TBC1D31: variants seen among roughly 807,000 people sequenced by gnomAD.
TBC1D31 encodes the protein TBC1 domain family member 31.
In TBC1D31, 99 loss-of-function variants were observed where a neutral mutation model predicts 132.9. That is an observed-to-expected ratio of 0.74 (90% confidence interval 0.63 to 0.88). The LOEUF is 0.88. Among genes scored for constraint, TBC1D31 ranks in the 40% least tolerant of loss-of-function variants. The pLI, the probability that TBC1D31 is intolerant of heterozygous loss-of-function variation, is 0.00. For missense variants in TBC1D31, 1,134 were observed against 1,256.6 expected (o/e 0.90, Z 1.48); for synonymous variants, 385 against 419.4 (o/e 0.92, Z 1.00).
At chr8:123,109,867 G>A (rs1818283753) in intron 10 of TBC1D31, among the ~76,000 whole-genome samples, 1 of 152,130 alleles carries the variant, frequency 6.6e-6, no homozygotes, top group African/African-American at 2.4e-5. Context: ...GCCAAGGCGG[G>A]CAGATCAGCT....
At chr8:123,098,250 T>G (rs568220343) in intron 6 of TBC1D31, among the ~76,000 whole-genome samples, 1 of 152,272 alleles carries the variant, frequency 6.6e-6, no homozygotes, top group Non-Finnish European at 1.5e-5. Context: ...TTATATATAG[T>G]GTTATGTTTT....
intron 4 of TBC1D31, among the ~76,000 whole-genome samples, chr8:123,093,273 A>G (rs745668061): frequency 2.6e-5 from 4 of 152,158 alleles, no homozygotes; most frequent in Non-Finnish European, 4.4e-5. Context: ...TAAAAGTAAA[A>G]TTGATACTCA....
chr8:123,158,597 G>A, the TBC1D31 span, among the ~76,000 whole-genome samples: 1 of 152,176 alleles, frequency 6.6e-6, no homozygotes, highest in East Asian at 1.9e-4. Context: ...TTTGTCTGAA[G>A]TTTTTCCTTA....
At position 123,120,294 on chromosome 8, in the gene TBC1D31, T is replaced by A. The variant is rs1819345918; in HGVS notation, c.1570+106T>A. On this transcript the variant is annotated intron_variant, in intron 11 of 21. Transcript: ENST00000287380. ...TTAACAATTCTAGATGTCTCTACTTTTAAGTCACGAAAGTGTGAAACAATA... is the reference window on the plus strand; with the variant it reads ...TTAACAATTCTAGATGTCTCTACTTATAAGTCACGAAAGTGTGAAACAATA... 5.6e-6 allele frequency: 5 copies of A among 885,314 alleles called. No homozygotes were observed. In the East Asian group the frequency reaches 1.4e-4, roughly 25 times the overall value. 54.8% of individuals were successfully genotyped at this position (885,314 alleles called of 1,614,324 possible).
chr8:123,134,577 T>C (rs1437387577), intron 17 of TBC1D31, among the ~76,000 whole-genome samples: 1 of 152,176 alleles, frequency 6.6e-6, no homozygotes, highest in Non-Finnish European at 1.5e-5. Context: ...AAGCCCATTT[T>C]AGACTGTATT....
chr8:123,086,889 T>C (rs996075738), intron 4 of TBC1D31, among the ~76,000 whole-genome samples: 8 of 152,152 alleles, frequency 5.3e-5, no homozygotes, highest in Non-Finnish European at 8.8e-5. Context: ...AACTAATTTT[T>C]GTATTTTCAG....
Position 123,078,761 on chromosome 8 carries a change from A to G in TBC1D31, c.224+1504A>G, listed in dbSNP as rs148766113. 3.5e-3 allele frequency among the ~76,000 whole-genome samples: 532 copies of G among 152,306 alleles called. 3 individuals are homozygous for G. The highest frequency in any genetic ancestry group is 0.012 in the African/African-American group (518 of 41,566). Reference sequence around the variant, plus strand: ...ATATTGGAGATGGGTCATGCATTGAATAAAATTGAAATCTATGAGTTCATG... The same window carrying G: ...ATATTGGAGATGGGTCATGCATTGAGTAAAATTGAAATCTATGAGTTCATG... On this transcript the variant is annotated intron_variant, in intron 2 of 21. Coordinates refer to ENST00000287380, the MANE Select transcript of TBC1D31 (RefSeq NM_145647.4).
intron 4 of TBC1D31, among the ~76,000 whole-genome samples, chr8:123,091,254 A>T (rs921828503): frequency 6.6e-6 from 1 of 152,190 alleles, no homozygotes; most frequent in African/African-American, 2.4e-5. Flanking sequence ...ATGAATAATC[A>T]TGTAGGCAAT....
At chr8:123,115,382 T>A (rs375545180) in intron 10 of TBC1D31, among the ~76,000 whole-genome samples, 2 of 152,244 alleles carry the variant, frequency 1.3e-5, no homozygotes, top group East Asian at 1.9e-4. Flanking sequence ...TGGAATTCCA[T>A]GTCCTAGGCT....
At chr8:123,131,735 T>C (rs1307042534) in intron 16 of TBC1D31, among the ~76,000 whole-genome samples, 3 of 150,844 alleles carry the variant, frequency 2.0e-5, no homozygotes, top group African/African-American at 7.3e-5. Flanking sequence ...TTATGACAAA[T>C]TGTTCTCTAA....
intron 15 of TBC1D31, 96 bp from the exon 16 acceptor site, chr8:123,130,102 G>C: frequency 8.3e-7 from 1 of 1,210,614 alleles, no homozygotes; most frequent in Non-Finnish European, 1.2e-6. Context: ...GATATCAATT[G>C]TATTGAAATG....
chr8:123,134,020 G>A, intron 16 of TBC1D31, 94 bp from the exon 17 acceptor site: 1 of 899,008 alleles, frequency 1.1e-6, no homozygotes, highest in Non-Finnish European at 1.7e-6. Flanking sequence ...TTTAAATACT[G>A]TTAGTAGGTC....
downstream of TBC1D31, among the ~76,000 whole-genome samples, chr8:123,156,824 C>T (rs921280955): frequency 3.9e-5 from 6 of 152,228 alleles, no homozygotes; most frequent in Non-Finnish European, 7.3e-5. Flanking sequence ...CGGCCCACAC[C>T]GTGTTCCCAG....
At chr8:123,075,971 T>C (rs184527185) in intron 1 of TBC1D31, among the ~76,000 whole-genome samples, 1 of 152,334 alleles carries the variant, frequency 6.6e-6, no homozygotes, top group East Asian at 1.9e-4. Context: ...ATGAAAATAG[T>C]ATGTAATCAT....
At chr8:123,153,208 G>A (rs1049251765), downstream of TBC1D31, among the ~76,000 whole-genome samples, 11 of 152,248 alleles carry the variant, frequency 7.2e-5, no homozygotes, top group African/African-American at 2.6e-4. Flanking sequence ...AGTGTGATGG[G>A]AACTTTGGTA....
At chr8:123,134,027 G>A (rs1820855212) in intron 16 of TBC1D31, 87 bp from the exon 17 acceptor site, 1 of 977,372 alleles carries the variant, frequency 1.0e-6, no homozygotes, top group Admixed American at 2.3e-5. Flanking sequence ...ACTGTTAGTA[G>A]GTCGTTCAGA....
chr8:123,104,019 TGTG>T (rs1817691997), intron 7 of TBC1D31: 1 of 152,316 alleles, frequency 6.6e-6, no homozygotes, highest in Admixed American at 6.5e-5. Context: ...TTTCTGGTAT[TGTG>T]GTAATAGAGT....
chr8:123,122,393 G>A (rs1819587669), intron 11 of TBC1D31, among the ~76,000 whole-genome samples: 1 of 152,164 alleles, frequency 6.6e-6, no homozygotes, highest in South Asian at 2.1e-4. Context: ...GCTACTACAC[G>A]GGTGAACCTT....
chr8:123,146,654 G>A (rs1253716126), intron 20 of TBC1D31, among the ~76,000 whole-genome samples: 1 of 151,686 alleles, frequency 6.6e-6, no homozygotes, highest in African/African-American at 2.4e-5. Context: ...TTTGAAGAGT[G>A]AAAATATAGG....
Sources: allele counts gnomAD v4.1 joint callset (sites outside exome capture counted in the v4.1 genomes callset), GRCh38; gene constraint gnomAD v4.1.1; transcripts MANE v1.5; gene names NCBI Gene and HGNC (gene_info 2026-07-23, HGNC 2026-07-21).